Variants in SAMHD1 observed in about 807,000 individuals in gnomAD.
The protein encoded by SAMHD1 is SAM and HD domain containing deoxynucleoside triphosphate triphosphohydrolase 1, also known as deoxynucleoside triphosphate triphosphohydrolase SAMHD1.
Under a neutral mutation model 79.6 loss-of-function variants are expected in SAMHD1, and 54 were observed. The ratio of observed to expected loss-of-function variants is 0.68; its 90% CI spans 0.55 to 0.85. SAMHD1 has a LOEUF of 0.85. Among genes scored for constraint, SAMHD1 ranks in the 40% least tolerant of loss-of-function variants. The pLI, the probability that SAMHD1 is intolerant of heterozygous loss-of-function variation, is 0.00. For missense variants in SAMHD1, 663 were observed against 782.7 expected (o/e 0.85, Z 1.82); for synonymous variants, 260 against 264.1 (o/e 0.98, Z 0.15).
rs566115445 is a variant in SAMHD1 at position 36,917,444 on chromosome 20, G to A, written c.853-395C>T. Among the ~76,000 whole-genome samples the A allele has an allele frequency of 2.6e-5, 4 of 152,216 alleles. No homozygotes were observed. In the South Asian group the frequency reaches 8.3e-4, roughly 32 times the overall value. On this transcript the variant is annotated intron_variant, in intron 7 of 15. Transcript: ENST00000646673. ...CGAGGAGGGCGGATCACGAGGTCTGGAGTTTGAAACCAGCTTGGCCAAGAT... is the reference window on the plus strand; with the variant it reads ...CGAGGAGGGCGGATCACGAGGTCTGAAGTTTGAAACCAGCTTGGCCAAGAT...
chr20:36,922,837 C>T (rs1344166734), intron 6 of SAMHD1, among the ~76,000 whole-genome samples: 4 of 151,144 alleles, frequency 2.6e-5, no homozygotes, highest in Admixed American at 2.0e-4. Context: ...TTTGTAGAGA[C>T]GGGGTTTCAC....
At chr20:36,903,556 CT>C (rs56285893) in intron 13 of SAMHD1, among the ~76,000 whole-genome samples, 90,380 of 119,182 alleles carry the variant, frequency 0.76, 34,310 homozygotes, top group Middle Eastern at 0.86. Flanking sequence ...TTTTCTTTTT[CT>C]TTTTTTTTTT....
chr20:36,942,947 C>G (rs1454116120), intron 2 of SAMHD1, among the ~76,000 whole-genome samples: 2 of 152,152 alleles, frequency 1.3e-5, no homozygotes, highest in Admixed American at 6.6e-5. Context: ...TGAGCCACCA[C>G]GCCTGGCCTG....
chr20:36,951,253 C>T (rs2063731324), intron 1 of SAMHD1, among the ~76,000 whole-genome samples, 183 bp downstream of exon 1: 1 of 152,122 alleles, frequency 6.6e-6, no homozygotes, highest in Non-Finnish European at 1.5e-5. Flanking sequence ...CCGCAGGGCT[C>T]CCTCCCCCGC....
chr20:36,912,377 A>T, intron 10 of SAMHD1, 84 bp downstream of exon 10: 1 of 819,942 alleles, frequency 1.2e-6, no homozygotes, highest in Non-Finnish European at 2.1e-6. Context: ...GAACTCATCT[A>T]GAAATGTCTA....
At chr20:36,929,905 C>T (rs956467131) in intron 5 of SAMHD1, among the ~76,000 whole-genome samples, 3 of 151,464 alleles carry the variant, frequency 2.0e-5, no homozygotes, top group East Asian at 1.9e-4. Context: ...ACCAAATAAC[C>T]GAAGGAAAAA....
At chr20:36,941,293 G>A (rs1263048910) in intron 2 of SAMHD1, among the ~76,000 whole-genome samples, 182 bp from the exon 3 acceptor site, 1 of 151,996 alleles carries the variant, frequency 6.6e-6, no homozygotes, top group Admixed American at 6.6e-5. Flanking sequence ...GTTAAGATAG[G>A]GAACTCTCCT....
intron 13 of SAMHD1, among the ~76,000 whole-genome samples, chr20:36,902,025 A>G (rs1990315046): frequency 6.6e-6 from 1 of 152,168 alleles, no homozygotes; most frequent in Non-Finnish European, 1.5e-5. Context: ...CTTTGGTGAG[A>G]AAGGTCTAAG....
intron 5 of SAMHD1, among the ~76,000 whole-genome samples, chr20:36,930,172 A>C (rs1186163272): frequency 6.6e-6 from 1 of 152,084 alleles, no homozygotes; most frequent in Admixed American, 6.6e-5. Context: ...AGAAAAACTC[A>C]CTAGCAAAAA....
intron 15 of SAMHD1, chr20:36,897,562 A>G: frequency 1.9e-6 from 1 of 521,720 alleles, no homozygotes; most frequent in Non-Finnish European, 3.4e-6. Context: ...ACAACATTAG[A>G]AAGCATTATT....
chr20:36,918,951 C>T (rs150261539), intron 7 of SAMHD1, among the ~76,000 whole-genome samples: 10 of 152,018 alleles, frequency 6.6e-5, no homozygotes, highest in Non-Finnish European at 1.0e-4. Context: ...ACCTGGGCAA[C>T]GTGACAAAAC....
At chr20:36,939,737 C>T (rs2063629119) in intron 3 of SAMHD1, among the ~76,000 whole-genome samples, 1 of 151,980 alleles carries the variant, frequency 6.6e-6, no homozygotes, top group South Asian at 2.1e-4. Flanking sequence ...AAATGATGAT[C>T]GGGCAAAAAA....
intron 2 of SAMHD1, among the ~76,000 whole-genome samples, chr20:36,942,343 G>A (rs573342392): frequency 1.3e-5 from 2 of 152,204 alleles, no homozygotes; most frequent in South Asian, 2.1e-4. Context: ...GCTTGAACCC[G>A]GGAGGCGGAG....
intron 1 of SAMHD1, among the ~76,000 whole-genome samples, chr20:36,948,406 C>T (rs1385326696): frequency 1.3e-5 from 2 of 152,070 alleles, no homozygotes; most frequent in Non-Finnish European, 2.9e-5. Context: ...GCACATACCA[C>T]CATGCCCGGC....
At position 36,913,715 on chromosome 20, in the gene SAMHD1, T is replaced by C. The variant is rs532527372; in HGVS notation, c.1063-1163A>G. On this transcript the variant is annotated intron_variant, in intron 9 of 15. Transcript: ENST00000646673. ...TATATTTTAATCCTCCCAATAACTC[T>C]AGGAAATAGGTATTACTATTCTTAT... Among the ~76,000 whole-genome samples the C allele has an allele frequency of 3.2e-3, 483 of 151,012 alleles. 1 individual carries two copies. The highest frequency in any genetic ancestry group is 5.6e-3 in the Non-Finnish European group (377 of 67,824).
intron 6 of SAMHD1, among the ~76,000 whole-genome samples, chr20:36,924,246 T>A (rs2063523127): frequency 2.2e-5 from 3 of 133,562 alleles, no homozygotes. Context: ...AGCAAGATCC[T>A]GTTGAGGGGA....
At chr20:36,906,765 T>C (rs919691220) in intron 11 of SAMHD1, among the ~76,000 whole-genome samples, 2 of 152,014 alleles carry the variant, frequency 1.3e-5, no homozygotes, top group African/African-American at 4.8e-5. Flanking sequence ...TTTTTCTGCA[T>C]GCGCTTTCTC....
intron 3 of SAMHD1, among the ~76,000 whole-genome samples, chr20:36,938,038 T>C (rs1401592053): frequency 6.6e-6 from 1 of 152,014 alleles, no homozygotes; most frequent in African/African-American, 2.4e-5. Flanking sequence ...TTTCTATTGT[T>C]TTCTATTGTT....
chr20:36,951,159 C>T (rs534429463), intron 1 of SAMHD1, among the ~76,000 whole-genome samples: 44 of 152,364 alleles, frequency 2.9e-4, no homozygotes, highest in African/African-American at 1.0e-3. Context: ...AATCGCCTAT[C>T]CCAGGCGACC....
Sources: allele counts gnomAD v4.1 joint callset (sites outside exome capture counted in the v4.1 genomes callset), GRCh38; gene constraint gnomAD v4.1.1; transcripts MANE v1.5; gene names NCBI Gene and HGNC (gene_info 2026-07-23, HGNC 2026-07-21).